Variants in B3GLCT observed in about 807,000 individuals in gnomAD.
B3GLCT encodes beta 3-glucosyltransferase, also known as beta-1,3-glucosyltransferase.
A neutral mutation model predicts 63.4 loss-of-function variants in B3GLCT; 65 were observed. That is an observed-to-expected ratio of 1.03 (90% confidence interval 0.84 to 1.26). The LOEUF (loss-of-function observed/expected upper bound fraction) is 1.26, where lower values mean the gene tolerates loss of function less well. B3GLCT is among the 50% of genes most tolerant of loss of function. The pLI is 0.00. For synonymous variants in B3GLCT, 233 were observed against 219.2 expected, an observed-to-expected ratio of 1.06 and a Z score of -0.55; for missense variants, 577 against 604.8, an observed-to-expected ratio of 0.95 and a Z score of 0.48.
intron 1 of B3GLCT, among the ~76,000 whole-genome samples, chr13:31,208,625 C>CCG (rs1869101231): frequency 8.4e-6 from 1 of 119,264 alleles, no homozygotes; most frequent in Non-Finnish European, 1.7e-5. Context: ...AGTGGCCCCC[C>CCG]CCCCCCGCTC....
intron 6 of B3GLCT, among the ~76,000 whole-genome samples, chr13:31,259,312 G>A (rs1871900249): frequency 6.6e-6 from 1 of 152,100 alleles, no homozygotes. Flanking sequence ...AATCTCAGAT[G>A]TTTTATGTGA....
At chr13:31,286,415 G>A (rs1873332230) in intron 11 of B3GLCT, among the ~76,000 whole-genome samples, 1 of 152,154 alleles carries the variant, frequency 6.6e-6, no homozygotes, top group African/African-American at 2.4e-5. Flanking sequence ...TTCTTGCCTG[G>A]ACTGAAGTTA....
At chr13:31,315,120 C>T (rs920663476) in intron 12 of B3GLCT, among the ~76,000 whole-genome samples, 6 of 152,112 alleles carry the variant, frequency 3.9e-5, no homozygotes, top group East Asian at 1.9e-4. Context: ...TTATCAGCAG[C>T]GTAAAAATGG....
chr13:31,308,232 A>G (rs2137916240), intron 12 of B3GLCT, among the ~76,000 whole-genome samples: 1 of 61,576 alleles, frequency 1.6e-5, no homozygotes, highest in South Asian at 8.6e-4. Context: ...ACCTAATGCT[A>G]GATGACACAT....
intron 4 of B3GLCT, among the ~76,000 whole-genome samples, chr13:31,237,246 A>G (rs917103661): frequency 1.3e-5 from 2 of 152,304 alleles, no homozygotes; most frequent in African/African-American, 4.8e-5. Flanking sequence ...AAATAGAGAA[A>G]TAAGATCAAC....
At chr13:31,229,137 A>G in intron 3 of B3GLCT, 48 bp from the exon 4 acceptor site, 2 of 1,228,254 alleles carry the variant, frequency 1.6e-6, no homozygotes, top group Non-Finnish European at 2.4e-6. Context: ...GTTTATTTTA[A>G]TAATTTTGTA....
chr13:31,223,097 T>C, intron 3 of B3GLCT, 106 bp downstream of exon 3: 1 of 796,696 alleles, frequency 1.3e-6, no homozygotes, highest in Non-Finnish European at 2.1e-6. Context: ...GGGGTAAATA[T>C]TGTTGTTCAA....
At chr13:31,286,935 C>A in intron 12 of B3GLCT, 116 bp downstream of exon 12, 1 of 653,108 alleles carries the variant, frequency 1.5e-6, no homozygotes, top group Non-Finnish European at 2.7e-6. Context: ...GTTTACCCTT[C>A]TATCTGAACC....
chr13:31,288,669 A>AC (rs1169590271), intron 12 of B3GLCT, among the ~76,000 whole-genome samples: 1 of 152,224 alleles, frequency 6.6e-6, no homozygotes, highest in Non-Finnish European at 1.5e-5. Flanking sequence ...TCACACAAAG[A>AC]CCACACTACA....
Position 31,200,055 on chromosome 13 carries a change from C to T in B3GLCT, c.-30C>T. On this transcript the variant is annotated 5_prime_UTR_variant, in exon 1 of 15. Coordinates refer to ENST00000343307, the MANE Select transcript of B3GLCT (RefSeq NM_194318.4). Reference sequence around the variant, plus strand: ...CCCGCGCGTCTCCCTTCCCCGCGCCCAGGTAGGGCGCTCAGCCTCCGCCGC... The same window carrying T: ...CCCGCGCGTCTCCCTTCCCCGCGCCTAGGTAGGGCGCTCAGCCTCCGCCGC... 1 of 1,329,640 alleles carries T rather than the reference C, an allele frequency of 7.5e-7. No individual in the cohort carries two copies. Among genetic ancestry groups the T allele is most frequent in the Admixed American group, 2.7e-5 (1 of 36,618 alleles). The allele number at this position is 1,329,640 out of a possible 1,614,324, so 82.4% of individuals were successfully genotyped here. A position where few individuals can be genotyped will look rare whatever the true frequency, so the allele number is the denominator to read the frequency against.
intron 1 of B3GLCT, among the ~76,000 whole-genome samples, chr13:31,209,309 A>G (rs1017325508): frequency 6.6e-6 from 1 of 152,144 alleles, no homozygotes; most frequent in African/African-American, 2.4e-5. Context: ...GATTATCTTC[A>G]AAGTGGGTAC....
intron 4 of B3GLCT, among the ~76,000 whole-genome samples, chr13:31,239,054 G>A (rs923198826): frequency 2.6e-5 from 4 of 152,204 alleles, no homozygotes; most frequent in African/African-American, 9.6e-5. Flanking sequence ...CATAGTTCTG[G>A]AAGATGAAGA....
At chr13:31,316,778 G>T (rs1412231114) in intron 12 of B3GLCT, among the ~76,000 whole-genome samples, 1 of 151,852 alleles carries the variant, frequency 6.6e-6, no homozygotes, top group Non-Finnish European at 1.5e-5. Context: ...GTTATTTTTC[G>T]ATTTTATTTT....
chr13:31,300,364 A>G (rs868586054), intron 12 of B3GLCT, among the ~76,000 whole-genome samples: 7 of 152,182 alleles, frequency 4.6e-5, no homozygotes, highest in Admixed American at 6.5e-5. Flanking sequence ...TATAAATGTA[A>G]TTGCCCGATG....
chr13:31,225,391 G>A (rs1363512974), intron 3 of B3GLCT, among the ~76,000 whole-genome samples: 2 of 152,164 alleles, frequency 1.3e-5, no homozygotes, highest in Admixed American at 1.3e-4. Context: ...TCTGGGATCT[G>A]GACTCAGCCA....
intron 6 of B3GLCT, chr13:31,260,546 A>G: frequency 6.1e-6 from 1 of 164,332 alleles, no homozygotes; most frequent in Non-Finnish European, 1.3e-5. Flanking sequence ...GAATGAGTAA[A>G]TAAATAAATA....
chr13:31,276,727 T>C lies in B3GLCT; in HGVS notation c.806T>C (p.Ile269Thr). 6.2e-7 allele frequency: 1 copy of C among 1,613,126 alleles called. No homozygotes were observed. Among genetic ancestry groups the C allele is most frequent in the Non-Finnish European group, 8.5e-7 (1 of 1,179,260 alleles). The change falls in exon 10 of 15, where the codon ATT becomes ACT. Residue 269 changes from isoleucine (I) to threonine (T), a missense_variant. Physicochemically the swap from Ile to Thr is moderately conservative, Grantham distance 89. Coordinates refer to ENST00000343307, the MANE Select transcript of B3GLCT (RefSeq NM_194318.4). ...AGAAAGCCAGTGAAGAAGAAGGATA[T>C]TTTTGTTGCAGTAAAAACATGCAAG... Reference protein sequence around the residue: ...LCRKPVKKKDIFVAVKTCKKF... With the variant: ...LCRKPVKKKDTFVAVKTCKKF...
At chr13:31,285,863 C>G (rs547630431) in intron 11 of B3GLCT, among the ~76,000 whole-genome samples, 2 of 152,110 alleles carry the variant, frequency 1.3e-5, no homozygotes, top group East Asian at 1.9e-4. Context: ...TATTTGATGT[C>G]TTCATTACTA....
intron 1 of B3GLCT, among the ~76,000 whole-genome samples, chr13:31,210,099 T>C (rs1190183539): frequency 2.6e-5 from 4 of 152,242 alleles, no homozygotes; most frequent in Admixed American, 2.0e-4. Flanking sequence ...AGGTTAGTTG[T>C]AAAATCTTGA....
Sources: allele counts gnomAD v4.1 joint callset (sites outside exome capture counted in the v4.1 genomes callset), GRCh38; gene constraint gnomAD v4.1.1; transcripts MANE v1.5; gene names NCBI Gene and HGNC (gene_info 2026-07-23, HGNC 2026-07-21).